Variants in GABRG3 observed in about 807,000 individuals in gnomAD.
GABRG3 encodes gamma-aminobutyric acid receptor subunit gamma-3.
Under a neutral mutation model 48.8 loss-of-function variants are expected in GABRG3, and 25 were observed. The observed-to-expected ratio is 0.51, with a 90% CI of 0.37 to 0.72. The LOEUF (loss-of-function observed/expected upper bound fraction) is 0.72. GABRG3 is among the 30% of genes least tolerant of loss of function. The pLI is 0.00. For missense variants in GABRG3, 394 were observed against 577.9 expected (o/e 0.68, Z 3.26); for synonymous variants, 227 against 217.6 (o/e 1.04, Z -0.38).
intron 3 of GABRG3, among the ~76,000 whole-genome samples, chr15:27,078,631 G>T (rs1317751239): frequency 2.0e-5 from 3 of 152,166 alleles, no homozygotes; most frequent in Non-Finnish European, 4.4e-5. Flanking sequence ...AGCTGTCACT[G>T]GTCACCGCCC....
intron 3 of GABRG3, among the ~76,000 whole-genome samples, chr15:27,165,719 T>C (rs371909741): frequency 9.9e-5 from 15 of 152,032 alleles, no homozygotes; most frequent in African/African-American, 2.9e-4. Flanking sequence ...AAAACCAATA[T>C]AAACTGCTGG....
chr15:27,466,734 A>G (rs1889624515), intron 5 of GABRG3, among the ~76,000 whole-genome samples: 1 of 152,166 alleles, frequency 6.6e-6, no homozygotes, highest in Admixed American at 6.5e-5. Flanking sequence ...AGAGGAGGAA[A>G]GTGGCAGAGG....
intron 6 of GABRG3, among the ~76,000 whole-genome samples, chr15:27,484,401 G>A (rs1040334299): frequency 7.9e-5 from 12 of 152,124 alleles, no homozygotes; most frequent in East Asian, 3.9e-4. Flanking sequence ...TGGAATTATC[G>A]GAAACAGGCT....
At chr15:27,418,592 G>T (rs1888014984) in intron 5 of GABRG3, among the ~76,000 whole-genome samples, 1 of 152,208 alleles carries the variant, frequency 6.6e-6, no homozygotes, top group Non-Finnish European at 1.5e-5. Flanking sequence ...GCCCCCACCG[G>T]TGAGGCTTTT....
intron 3 of GABRG3, among the ~76,000 whole-genome samples, chr15:27,047,375 C>A (rs1281060011): frequency 6.6e-6 from 1 of 152,192 alleles, no homozygotes; most frequent in African/African-American, 2.4e-5. Flanking sequence ...TACTGTAATT[C>A]ATGGGCACTG....
chr15:27,399,000 C>T (rs73365295), intron 5 of GABRG3, among the ~76,000 whole-genome samples: 1,686 of 152,170 alleles, frequency 0.011, 39 homozygotes, highest in African/African-American at 0.038. Context: ...GTTGAAGCTT[C>T]CCACCGTCAG....
intron 3 of GABRG3, among the ~76,000 whole-genome samples, chr15:27,255,054 G>T (rs1890570089): frequency 6.6e-6 from 1 of 152,138 alleles, no homozygotes. Flanking sequence ...GTTTGTCCAG[G>T]CCCAGCCCCT....
At chr15:26,980,681 C>CAA (rs67711680) in intron 2 of GABRG3, among the ~76,000 whole-genome samples, 78 of 123,996 alleles carry the variant, frequency 6.3e-4, no homozygotes, top group Non-Finnish European at 1.0e-3. Context: ...TCCTCTGTCT[C>CAA]AAAAAAAAAA....
chr15:26,973,310 AAGAC>A (rs1434980885), intron 1 of GABRG3, among the ~76,000 whole-genome samples: 1 of 152,184 alleles, frequency 6.6e-6, no homozygotes, highest in Non-Finnish European at 1.5e-5. Context: ...CCATTCTACT[AAGAC>A]AGACATAATG....
intron 2 of GABRG3, among the ~76,000 whole-genome samples, chr15:26,978,504 A>G (rs974441373): frequency 6.6e-6 from 1 of 152,154 alleles, no homozygotes; most frequent in South Asian, 2.1e-4. Flanking sequence ...TATAAAATAA[A>G]TATGTAAGAT....
At chr15:27,040,767 C>T (rs543021345) in intron 3 of GABRG3, among the ~76,000 whole-genome samples, 20 of 152,150 alleles carry the variant, frequency 1.3e-4, no homozygotes, top group African/African-American at 4.3e-4. Flanking sequence ...CAAAGTTACA[C>T]GTTAGAGATT....
intron 3 of GABRG3, among the ~76,000 whole-genome samples, chr15:27,277,242 G>A (rs112117523): frequency 6.6e-6 from 1 of 152,260 alleles, no homozygotes; most frequent in African/African-American, 2.4e-5. Context: ...TTTGAGAAAG[G>A]GGCAAATAAA....
chr15:27,446,211 G>A (rs1052047511), intron 5 of GABRG3, among the ~76,000 whole-genome samples: 31 of 152,034 alleles, frequency 2.0e-4, no homozygotes, highest in African/African-American at 5.6e-4. Flanking sequence ...AAATTGCATC[G>A]TATCTATAGA....
chr15:27,094,059 C>T (rs569533187), intron 3 of GABRG3, among the ~76,000 whole-genome samples: 8 of 152,328 alleles, frequency 5.3e-5, no homozygotes, highest in Admixed American at 4.6e-4. Flanking sequence ...GTCTTTGGCA[C>T]ATGGGAGATG....
At chr15:27,485,923 G>A (rs1312012698) in intron 6 of GABRG3, among the ~76,000 whole-genome samples, 1 of 152,190 alleles carries the variant, frequency 6.6e-6, no homozygotes, top group Non-Finnish European at 1.5e-5. Context: ...TCTCCTTTGT[G>A]TAAAACCTTT....
chr15:27,374,142 T>C (rs1316378293), intron 5 of GABRG3, among the ~76,000 whole-genome samples: 3 of 107,652 alleles, frequency 2.8e-5, no homozygotes, highest in Admixed American at 1.7e-4. Context: ...TTTCTTCTTT[T>C]TTTTTTTTTT....
At chr15:27,367,356 A>C (rs1895242994) in intron 5 of GABRG3, among the ~76,000 whole-genome samples, 1 of 152,208 alleles carries the variant, frequency 6.6e-6, no homozygotes, top group Non-Finnish European at 1.5e-5. Flanking sequence ...CCAAAGTCAT[A>C]ATAAAAGAAA....
intron 3 of GABRG3, among the ~76,000 whole-genome samples, chr15:27,114,346 A>G (rs1202524927): frequency 6.6e-6 from 1 of 152,202 alleles, no homozygotes; most frequent in African/African-American, 2.4e-5. Flanking sequence ...TTTAAGCTAT[A>G]ATACATCATG....
chr15:27,282,778 C>T (rs910647851), intron 3 of GABRG3, among the ~76,000 whole-genome samples: 4 of 152,206 alleles, frequency 2.6e-5, no homozygotes, highest in Admixed American at 1.3e-4. Context: ...TTAGCATCTA[C>T]CTGGTTTGGT....
Sources: gnomAD v4.1 joint callset for allele counts (sites outside exome capture counted in the v4.1 genomes callset) on GRCh38, gnomAD v4.1.1 for gene constraint, MANE v1.5 for transcripts, NCBI Gene and HGNC (gene_info 2026-07-23, HGNC 2026-07-21) for gene names.